The following GDA variants were observed in gnomAD, a reference collection of about 807,000 sequenced individuals.
GDA encodes the protein guanine deaminase.
In GDA, 18 loss-of-function variants were observed where a neutral mutation model predicts 59.6. The observed-to-expected ratio is 0.30, with a 90% CI of 0.21 to 0.45. The LOEUF is 0.45. Ranked by LOEUF, GDA falls within the 20% of genes least tolerant of loss-of-function variation. GDA has a pLI of 1.00. For synonymous variants in GDA, 201 were observed against 201.1 expected (o/e 1.00, Z 0.00); for missense variants, 427 against 552.3 (o/e 0.77, Z 2.27).
chr9:72,242,971 G>A (rs1016476123), intron 11 of GDA, among the ~76,000 whole-genome samples: 2 of 152,086 alleles, frequency 1.3e-5, no homozygotes, highest in African/African-American at 4.8e-5. Flanking sequence ...TTTCTACTTT[G>A]CTGTGTAGCT....
At chr9:72,139,208 A>C (rs925038349) in intron 1 of GDA, among the ~76,000 whole-genome samples, 7 of 152,228 alleles carry the variant, frequency 4.6e-5, no homozygotes, top group Admixed American at 2.6e-4. Flanking sequence ...GTAGTTGGTC[A>C]AATGCAGCTT....
chr9:72,200,164 A>AT (rs1489777098), intron 2 of GDA, among the ~76,000 whole-genome samples: 3 of 151,430 alleles, frequency 2.0e-5, no homozygotes, highest in African/African-American at 4.9e-5. Flanking sequence ...CGCCTGGCTA[A>AT]TTTTTGTATT....
intron 11 of GDA, among the ~76,000 whole-genome samples, chr9:72,242,751 A>G (rs1839762327): frequency 6.6e-6 from 1 of 152,186 alleles, no homozygotes; most frequent in Non-Finnish European, 1.5e-5. Context: ...CAAATCACCC[A>G]CTATTTTAAT....
chr9:72,218,896 G>A (rs1417432225), intron 5 of GDA, among the ~76,000 whole-genome samples: 1 of 152,150 alleles, frequency 6.6e-6, no homozygotes, highest in African/African-American at 2.4e-5. Flanking sequence ...CTTGAGTGCT[G>A]TGGGAATATT....
Position 72,122,780 on chromosome 9 carries a change from C to T in GDA, c.-100+7947C>T, listed in dbSNP as rs551030099. ...ATGGAATCAGGTGCCTCCCCCATGTCTTCAAGATTATCCAGCCTTTCTATC... is the reference window on the plus strand; with the variant it reads ...ATGGAATCAGGTGCCTCCCCCATGTTTTCAAGATTATCCAGCCTTTCTATC... On this transcript the variant is annotated intron_variant, in intron 1 of 13. Transcript: ENST00000545168. Among the ~76,000 whole-genome samples the T allele has an allele frequency of 4.2e-3, 633 of 152,222 alleles. 3 individuals carry two copies. Among genetic ancestry groups the T allele is most frequent in the African/African-American group, 0.015 (616 of 41,540 alleles).
At chr9:72,138,629 G>A (rs767970466) in intron 1 of GDA, among the ~76,000 whole-genome samples, 6 of 152,240 alleles carry the variant, frequency 3.9e-5, no homozygotes, top group Non-Finnish European at 5.9e-5. Context: ...ATGATGGGTC[G>A]ATGGAGTATG....
chr9:72,150,337 G>GCA (rs1827045894), intron 1 of GDA, among the ~76,000 whole-genome samples: 1 of 129,424 alleles, frequency 7.7e-6, no homozygotes, highest in African/African-American at 3.2e-5. Flanking sequence ...ACACACACAC[G>GCA]CACGCACACA....
chr9:72,244,701 A>G (rs1296048416), intron 11 of GDA, among the ~76,000 whole-genome samples: 1 of 152,254 alleles, frequency 6.6e-6, no homozygotes, highest in Non-Finnish European at 1.5e-5. Flanking sequence ...CTGCCATGAA[A>G]ATAAATCTTG....
chr9:72,247,675 G>A (rs1840292976), intron 13 of GDA, among the ~76,000 whole-genome samples: 3 of 152,124 alleles, frequency 2.0e-5, no homozygotes, highest in African/African-American at 7.2e-5. Flanking sequence ...GGAATGGAAG[G>A]CCAAAGGTGA....
intron 4 of GDA, among the ~76,000 whole-genome samples, chr9:72,213,138 C>T (rs571328529): frequency 2.5e-4 from 38 of 152,050 alleles, no homozygotes; most frequent in Middle Eastern, 3.4e-3. Context: ...CACAGTGGTG[C>T]GTGCCTGTAA....
At chr9:72,259,138 C>T (rs1308340213), downstream of GDA, among the ~76,000 whole-genome samples, 2 of 151,722 alleles carry the variant, frequency 1.3e-5, no homozygotes, top group African/African-American at 4.8e-5. Context: ...GATTCTTCTG[C>T]CTCAGCCTCC....
At chr9:72,204,425 TA>T (rs1834414393) in intron 3 of GDA, among the ~76,000 whole-genome samples, 1 of 152,046 alleles carries the variant, frequency 6.6e-6, no homozygotes, top group Admixed American at 6.6e-5. Flanking sequence ...AAAAGTAAAA[TA>T]AAACCAAGAA....
Position 72,245,076 on chromosome 9 carries a change from C to T in GDA, c.1136-72C>T, listed in dbSNP as rs899100029. ...CTAGCGACATGTTGGCAAAATCTGT[C>T]CTTACAAACTGAGACATTAGTGTGG... is the stretch of plus-strand genomic sequence containing the variant. On this transcript the variant is annotated intron_variant, in intron 11 of 13. Transcript: ENST00000358399. The T allele has an allele frequency of 3.4e-6, 5 of 1,458,212 alleles. No homozygotes were observed. The African/African-American group carries it at 5.7e-5, about 17-fold the overall frequency. The allele number at this position is 1,458,212 out of a possible 1,614,324, so 90.3% of individuals were successfully genotyped here.
intron 1 of GDA, among the ~76,000 whole-genome samples, chr9:72,164,947 G>A (rs1280739276): frequency 1.4e-5 from 2 of 145,404 alleles, no homozygotes; most frequent in African/African-American, 5.1e-5. Flanking sequence ...CCAAGATCCA[G>A]CCACTGCACT....
At chr9:72,123,408 C>T (rs1368893740) in intron 1 of GDA, among the ~76,000 whole-genome samples, 1 of 151,068 alleles carries the variant, frequency 6.6e-6, no homozygotes, top group Non-Finnish European at 1.5e-5. Context: ...GGGTCTTGAT[C>T]TCCTGACCTT....
intron 1 of GDA, among the ~76,000 whole-genome samples, chr9:72,132,049 ACT>A (rs1236523820): frequency 6.6e-6 from 1 of 152,096 alleles, no homozygotes; most frequent in Non-Finnish European, 1.5e-5. Flanking sequence ...ATCTTATGAG[ACT>A]CATTCACTAT....
chr9:72,182,503 T>C (rs1831375732), intron 1 of GDA, among the ~76,000 whole-genome samples: 1 of 152,234 alleles, frequency 6.6e-6, no homozygotes, highest in South Asian at 2.1e-4. Flanking sequence ...GTGCTCTCAG[T>C]ACATCATATC....
At chr9:72,162,361 G>C (rs1450738355) in intron 1 of GDA, among the ~76,000 whole-genome samples, 1 of 152,220 alleles carries the variant, frequency 6.6e-6, no homozygotes, top group Non-Finnish European at 1.5e-5. Flanking sequence ...GTGCTCTGGA[G>C]ATGCAAATCA....
intron 1 of GDA, among the ~76,000 whole-genome samples, chr9:72,186,081 T>G (rs934338308): frequency 2.0e-5 from 3 of 152,130 alleles, no homozygotes; most frequent in African/African-American, 2.4e-5. Flanking sequence ...TTGGCCATGG[T>G]GGGTACCCAC....
Sources: allele counts gnomAD v4.1 joint callset (sites outside exome capture counted in the v4.1 genomes callset), GRCh38; gene constraint gnomAD v4.1.1; transcripts MANE v1.5; gene names NCBI Gene and HGNC (gene_info 2026-07-23, HGNC 2026-07-21).